RIOK1: variants seen among roughly 807,000 people sequenced by gnomAD.
RIOK1 encodes serine/threonine-protein kinase RIO1.
Under a neutral mutation model 73.5 loss-of-function variants are expected in RIOK1, and 66 were observed. That is an observed-to-expected ratio of 0.90 (90% CI 0.74 to 1.10). RIOK1 has a LOEUF of 1.10. Ranked by LOEUF, RIOK1 falls within the 50% of genes least tolerant of loss-of-function variation. RIOK1 has a pLI of 0.00. For missense variants in RIOK1, 658 were observed against 699.8 expected (o/e 0.94, Z 0.67); for synonymous variants, 224 against 226.8 (o/e 0.99, Z 0.11).
chr6:7,414,124 T>G, intron 15 of RIOK1, 114 bp from the exon 16 acceptor site: 1 of 898,650 alleles, frequency 1.1e-6, no homozygotes, highest in Non-Finnish European at 1.7e-6. Context: ...ATGTTAGTTT[T>G]TAACATATAT....
chr6:7,402,355 T>TA (rs1761633060), intron 6 of RIOK1, among the ~76,000 whole-genome samples: 1 of 152,226 alleles, frequency 6.6e-6, no homozygotes, highest in African/African-American at 2.4e-5. Context: ...AATCACCTCA[T>TA]ATATGCGGTC....
chr6:7,414,714 T>A (rs1761958538), intron 16 of RIOK1, among the ~76,000 whole-genome samples: 1 of 152,212 alleles, frequency 6.6e-6, no homozygotes, highest in African/African-American at 2.4e-5. Flanking sequence ...TAGCCCAGCT[T>A]GATGTTTCTG....
Position 7,400,946 on chromosome 6 carries a change from A to G in RIOK1, c.481-12A>G, listed in dbSNP as rs1761596643. ...TCTTTTGGAACTTTTTAATTTTTGC[A>G]TTTCTTTTTAGGTGTTGGATCCCAG... On this transcript the variant is annotated splice_polypyrimidine_tract_variant and intron_variant, in intron 5 of 16. Coordinates refer to ENST00000379834, the MANE Select transcript of RIOK1 (RefSeq NM_031480.3). 1 of 1,562,388 alleles carries G rather than the reference A, an allele frequency of 6.4e-7. No individual in the cohort carries two copies. The highest frequency in any genetic ancestry group is 1.2e-5 in the South Asian group (1 of 86,210).
intron 4 of RIOK1, 146 bp from the exon 5 acceptor site, chr6:7,398,552 A>G: frequency 3.2e-6 from 2 of 629,436 alleles, no homozygotes; most frequent in South Asian, 4.2e-5. Context: ...TCACTGAGTA[A>G]TGAAAAATCT....
chr6:7,406,914 G>A (rs746234317), intron 12 of RIOK1, among the ~76,000 whole-genome samples: 1 of 152,142 alleles, frequency 6.6e-6, no homozygotes, highest in Non-Finnish European at 1.5e-5. Context: ...CGCCTGCATC[G>A]GCCTCCCGAA....
intron 16 of RIOK1, among the ~76,000 whole-genome samples, chr6:7,416,853 C>A (rs1762016484): frequency 6.6e-6 from 1 of 152,028 alleles, no homozygotes; most frequent in Admixed American, 6.6e-5. Context: ...GTTTTCACCC[C>A]AAGTTCCTCC....
Position 7,396,790 on chromosome 6 carries a change from A to C in RIOK1, c.437+18A>C. 7.5e-7 allele frequency: 1 copy of C among 1,339,120 alleles called. No individual in the cohort carries two copies. Among genetic ancestry groups the C allele is most frequent in the Non-Finnish European group, 1.1e-6 (1 of 932,822 alleles). 83.0% of individuals were successfully genotyped at this position (1,339,120 alleles called of 1,614,324 possible). ...GCAGATATGTAAGTAATATTTTAAT[A>C]ATATGCATGGGTGATAAGGACTAAT... On this transcript the variant is annotated intron_variant, in intron 4 of 16. Coordinates refer to ENST00000379834, the MANE Select transcript of RIOK1 (RefSeq NM_031480.3).
rs1761445842 is a variant in RIOK1, at chr6:7,395,285, G to GGGT, written c.367+145_367+147dup. 5 of 832,430 alleles carry GGGT rather than the reference G, an allele frequency of 6.0e-6. No individual in the cohort carries two copies. The African/African-American group carries it at 8.6e-5, about 14-fold the overall frequency. The allele number at this position is 832,430 out of a possible 1,614,324, so 51.6% of individuals were successfully genotyped here. On this transcript the variant is annotated intron_variant, in intron 3 of 16. Coordinates refer to ENST00000379834, the MANE Select transcript of RIOK1 (RefSeq NM_031480.3). ...TCCCGGCACTTTGGGAGGCTGAAGT[G>GGGT]GGTGGATCACCTGAGGTCAGGAGTT...
intron 8 of RIOK1, 23 bp from the exon 9 acceptor site, chr6:7,403,917 CT>C: frequency 6.4e-7 from 1 of 1,560,492 alleles, no homozygotes; most frequent in Non-Finnish European, 8.8e-7. Context: ...TTCAGTTGTC[CT>C]TTTATTTGTT....
chr6:7,398,747 T>A lies in RIOK1; in HGVS notation c.480+7T>A, dbSNP rs1230570874. 17 of 1,604,518 alleles carry A rather than the reference T, an allele frequency of 1.1e-5. No individual in the cohort carries two copies. Among genetic ancestry groups the A allele is most frequent in the Non-Finnish European group, 1.4e-5 (17 of 1,173,056 alleles). ...CAGAGCAACTGTAGAACAGGTACAA[T>A]TTAAATGTGTTGCAAACTCTTCTTT... is the stretch of plus-strand genomic sequence containing the variant. On this transcript the variant is annotated splice_region_variant and intron_variant, in intron 5 of 16. Transcript: ENST00000379834.
At chr6:7,408,490 A>G (rs114282939) in intron 12 of RIOK1, among the ~76,000 whole-genome samples, 312 of 152,306 alleles carry the variant, frequency 2.0e-3, no homozygotes, top group Non-Finnish European at 3.3e-3. Context: ...AATTGTTTTC[A>G]TAGGTGTAGT....
intron 10 of RIOK1, 138 bp from the exon 11 acceptor site, chr6:7,404,779 GT>G: frequency 1.1e-6 from 1 of 884,760 alleles, no homozygotes; most frequent in Non-Finnish European, 1.7e-6. Flanking sequence ...AGTTCCATCT[GT>G]TAGTCAAGAT....
intron 16 of RIOK1, among the ~76,000 whole-genome samples, chr6:7,415,249 C>T (rs545577489): frequency 3.9e-5 from 6 of 152,094 alleles, no homozygotes; most frequent in South Asian, 4.2e-4. Flanking sequence ...AGTGATACCC[C>T]GTCTCTATTA....
Position 7,395,042 on chromosome 6 carries a change from T to C in RIOK1, c.277-11T>C. The C allele has an allele frequency of 6.2e-7, 1 of 1,613,656 alleles. No individual in the cohort carries two copies. The highest frequency in any genetic ancestry group is 1.7e-4 in the Middle Eastern group (1 of 6,060). ...ACAGCTAGTGCCTTAGACTCTGGAA[T>C]TCCCTTCTAGGCAAATCGACAGACC... is the stretch of plus-strand genomic sequence containing the variant. On this transcript the variant is annotated splice_polypyrimidine_tract_variant and intron_variant, in intron 2 of 16. Transcript: ENST00000379834.
intron 1 of RIOK1, among the ~76,000 whole-genome samples, chr6:7,390,683 G>A (rs1005043527): frequency 2.6e-5 from 4 of 152,234 alleles, no homozygotes; most frequent in South Asian, 2.1e-4. Flanking sequence ...AGGCCAGAGT[G>A]CCTAGAGCAC....
chr6:7,406,535 T>C (rs1434321950), intron 12 of RIOK1, among the ~76,000 whole-genome samples: 1 of 152,242 alleles, frequency 6.6e-6, no homozygotes, highest in African/African-American at 2.4e-5. Flanking sequence ...TCTGTCTTTG[T>C]GAATTCACCT....
chr6:7,404,987 GGAGTTCTTGA>G lies in RIOK1; in HGVS notation c.1065_1074del (p.Phe356ArgfsTer11). 6.2e-7 allele frequency: 1 copy of G among 1,614,138 alleles called. No homozygotes were observed. The highest frequency in any genetic ancestry group is 1.3e-5 in the African/African-American group (1 of 75,066). On this transcript the variant is annotated frameshift_variant, in exon 11 of 17. Transcript: ENST00000379834. LOFTEE classifies it high-confidence loss of function. ...TGGAGCACGACCACCCACATGCCTT[GGAGTTCTTGA>G]GAAAGGATTGCGCCAACGTCAATGG...
At chr6:7,398,242 G>A (rs1377375148) in intron 4 of RIOK1, among the ~76,000 whole-genome samples, 1 of 151,990 alleles carries the variant, frequency 6.6e-6, no homozygotes, top group Non-Finnish European at 1.5e-5. Flanking sequence ...GTGGAGGCTG[G>A]GGCAGGAGGA....
At chr6:7,398,539 G>GT (rs1218272614) in intron 4 of RIOK1, among the ~76,000 whole-genome samples, 159 bp from the exon 5 acceptor site, 4 of 152,104 alleles carry the variant, frequency 2.6e-5, no homozygotes, top group Non-Finnish European at 5.9e-5. Context: ...AATGAAGAAA[G>GT]TTTCACTGAG....
Sources: gnomAD v4.1 joint callset for allele counts (sites outside exome capture counted in the v4.1 genomes callset) on GRCh38, gnomAD v4.1.1 for gene constraint, MANE v1.5 for transcripts, NCBI Gene and HGNC (gene_info 2026-07-23, HGNC 2026-07-21) for gene names.